The following TULP4 variants were observed in gnomAD, a reference collection of about 807,000 sequenced individuals.
The protein encoded by TULP4 is TUB like protein 4.
TULP4 carries 16 observed loss-of-function variants against 129.0 expected under a neutral mutation model. The ratio of observed to expected loss-of-function variants is 0.12; its 90% CI spans 0.08 to 0.19. The LOEUF is 0.19. Ranked by LOEUF, TULP4 falls within the 10% of genes least tolerant of loss-of-function variation. The probability of loss-of-function intolerance (pLI) is 1.00; values close to 1 mark genes in which losing one functional copy is unlikely to be tolerated. For synonymous variants in TULP4, 998 were observed against 854.0 expected, an observed-to-expected ratio of 1.17 and a Z score of -2.94; for missense variants, 1,842 against 2,059.1, an observed-to-expected ratio of 0.89 and a Z score of 2.04.
At chr6:158,434,423 ATATAAG>A (rs1778705705) in intron 3 of TULP4, among the ~76,000 whole-genome samples, 2 of 152,208 alleles carry the variant, frequency 1.3e-5, no homozygotes, top group Admixed American at 1.3e-4. Context: ...TGTCAAATAA[ATATAAG>A]TATGACTGGG....
At chr6:158,259,301 C>T (rs4710150) in intron 1 of TULP4, among the ~76,000 whole-genome samples, 6,096 of 152,266 alleles carry the variant, frequency 0.04, 364 homozygotes, top group Admixed American at 0.17. Flanking sequence ...GATCTGTCCT[C>T]CCTTGCTGTC....
At chr6:158,282,482 C>G (rs1778771207) in intron 1 of TULP4, 1 of 151,528 alleles carries the variant, frequency 6.6e-6, no homozygotes, top group Non-Finnish European at 1.5e-5. Context: ...GTGATTATAA[C>G]CTTTGACTGA....
chr6:158,297,467 T>A (rs565836045), intron 1 of TULP4, among the ~76,000 whole-genome samples: 1 of 152,256 alleles, frequency 6.6e-6, no homozygotes, highest in East Asian at 1.9e-4. Flanking sequence ...CTTACGAAGA[T>A]AACGGGATTA....
At chr6:158,343,946 A>G (rs1780244765) in intron 1 of TULP4, among the ~76,000 whole-genome samples, 1 of 152,222 alleles carries the variant, frequency 6.6e-6, no homozygotes, top group Non-Finnish European at 1.5e-5. Flanking sequence ...GTATACATCC[A>G]GATGGCCTGA....
chr6:158,282,523 ATC>A (rs879493053), intron 1 of TULP4: 2 of 151,710 alleles, frequency 1.3e-5, no homozygotes, highest in Non-Finnish European at 2.9e-5. Context: ...TTGGATCATT[ATC>A]TTTTTTCCTG....
intron 1 of TULP4, among the ~76,000 whole-genome samples, chr6:158,378,485 T>TTTTTTTTTGGG (rs1554285635): frequency 1.9e-5 from 1 of 51,288 alleles, no homozygotes; most frequent in Non-Finnish European, 3.9e-5. Flanking sequence ...TTTTTTTTTT[T>TTTTTTTTTGGG]GGTGGGGGTG....
In TULP4 at chr6:158,244,881, CAA is replaced by C. The variant is rs780147681; in HGVS notation, n.68+12581_68+12582del. 2.6e-5 allele frequency among the ~76,000 whole-genome samples: 4 copies of C among 152,022 alleles called. No individual in the cohort carries two copies. The East Asian group carries it at 5.8e-4, about 22-fold the overall frequency. On this transcript the variant is annotated intron_variant and non_coding_transcript_variant, in intron 1 of 1. Transcript: ENST00000620026. Reference sequence around the variant, plus strand: ...AAAAAAACTAAAAACATAAAAGAAACAAAATAAATTTCTGTTGTTTAAGCCAC... The same window carrying C: ...AAAAAAACTAAAAACATAAAAGAAACAATAAATTTCTGTTGTTTAAGCCAC...
At chr6:158,236,370 TA>T (rs1408494450) in intron 1 of TULP4, among the ~76,000 whole-genome samples, 1 of 152,210 alleles carries the variant, frequency 6.6e-6, no homozygotes, top group African/African-American at 2.4e-5. Context: ...TATAGACCCT[TA>T]AAAATCAATA....
rs750680160 is a variant in TULP4, at chr6:158,501,754, G to A, written c.2091G>A (p.Ser697=). The A allele has an allele frequency of 9.9e-6, 16 of 1,613,954 alleles. No individual in the cohort carries two copies. Among genetic ancestry groups the A allele is most frequent in the South Asian group, 4.4e-5 (4 of 91,068 alleles). Residue 697 remains serine, a synonymous_variant, in exon 13 of 14, where the codon TCG becomes TCA. Coordinates refer to ENST00000367097, the MANE Select transcript of TULP4 (RefSeq NM_020245.5). ...TCCCTATTGCACCGATCCACAGCTC[G>A]GCTCAGGCTATGTCCCCCACGCAGA... ...VNIPIAPIHS[S]AQAMSPTQSI...
intron 1 of TULP4, among the ~76,000 whole-genome samples, chr6:158,371,266 C>G (rs1424908955): frequency 6.6e-6 from 1 of 152,154 alleles, no homozygotes; most frequent in Non-Finnish European, 1.5e-5. Context: ...GAGACAAAGC[C>G]CACACGGAGG....
chr6:158,488,241 C>T lies in TULP4; in HGVS notation c.1487-1347C>T, dbSNP rs138047949. ...CTGGGTTTCCTCAAGTCGAATCACA[C>T]ACACAGGCACATTCTGTAGGCTTGC... is the stretch of plus-strand genomic sequence containing the variant. On this transcript the variant is annotated intron_variant, in intron 8 of 13. Transcript: ENST00000367097. Among the ~76,000 whole-genome samples, 218 of 152,318 alleles carry T rather than the reference C, an allele frequency of 1.4e-3. 1 individual carries two copies. The highest frequency in any genetic ancestry group is 4.9e-3 in the African/African-American group (205 of 41,570).
At position 158,455,458 on chromosome 6, in the gene TULP4, G is replaced by T. The variant is rs377712498; in HGVS notation, c.859+3190G>T. On this transcript the variant is annotated intron_variant, in intron 5 of 13. Transcript: ENST00000367097. ...CAGTTATTTACAGGATGCTTTCAGC[G>T]GGGTACGGTGGCTCACGCCTGTAAT... Among the ~76,000 whole-genome samples the T allele has an allele frequency of 2.6e-5, 4 of 151,852 alleles. No homozygotes were observed. The East Asian group carries it at 7.8e-4, about 30-fold the overall frequency.
At chr6:158,268,280 C>T (rs141975238) in intron 1 of TULP4, among the ~76,000 whole-genome samples, 23 of 152,100 alleles carry the variant, frequency 1.5e-4, no homozygotes, top group African/African-American at 5.3e-4. Context: ...CCCAGGTGAT[C>T]CGGCCACTTC....
chr6:158,348,733 A>G (rs1273650440), intron 1 of TULP4, among the ~76,000 whole-genome samples: 1 of 151,814 alleles, frequency 6.6e-6, no homozygotes, highest in East Asian at 1.9e-4. Context: ...GCGGCTGGGC[A>G]GAGGGGCTCC....
At chr6:158,432,694 G>C (rs981612788) in intron 3 of TULP4, among the ~76,000 whole-genome samples, 1 of 152,144 alleles carries the variant, frequency 6.6e-6, no homozygotes, top group Non-Finnish European at 1.5e-5. Context: ...AACCCCGTCT[G>C]TACTAAAAAT....
At chr6:158,410,291 C>T (rs750317853) in intron 1 of TULP4, among the ~76,000 whole-genome samples, 1 of 152,182 alleles carries the variant, frequency 6.6e-6, no homozygotes, top group Non-Finnish European at 1.5e-5. Context: ...TTTGCCTCCA[C>T]TCTTTTGTGT....
At chr6:158,385,840 A>ATATTTTTTTTTTTTTTTTTTTTTT (rs1397821107) in intron 1 of TULP4, among the ~76,000 whole-genome samples, 1 of 34,042 alleles carries the variant, frequency 2.9e-5, no homozygotes, top group East Asian at 3.6e-4. Context: ...AATGTGGAAT[A>ATATTTTTTTTTTTTTTTTTTTTTT]TCTTTTTTTT....
chr6:158,367,933 A>AG, intron 1 of TULP4, among the ~76,000 whole-genome samples: 1 of 151,340 alleles, frequency 6.6e-6, no homozygotes, highest in South Asian at 2.1e-4. Context: ...CAAAAAAAAA[A>AG]AAAAATCAAA....
chr6:158,506,222 CTTTTTTTTTTTT>C (rs61292138), intron 13 of TULP4, among the ~76,000 whole-genome samples: 3 of 55,498 alleles, frequency 5.4e-5, no homozygotes, highest in East Asian at 5.1e-4. Flanking sequence ...TCGCCTTGTT[CTTTTTTTTTTTT>C]TTTTTTTTTT....
Sources: gnomAD v4.1 joint callset for allele counts (sites outside exome capture counted in the v4.1 genomes callset) on GRCh38, gnomAD v4.1.1 for gene constraint, MANE v1.5 for transcripts, NCBI Gene and HGNC (gene_info 2026-07-23, HGNC 2026-07-21) for gene names.